TYW1B: variants seen among roughly 807,000 people sequenced by gnomAD.
The protein encoded by TYW1B is tRNA-yW synthesizing protein 1 homolog B, also known as S-adenosyl-L-methionine-dependent tRNA 4-demethylwyosine synthase TYW1B.
Under a neutral mutation model 86.9 loss-of-function variants are expected in TYW1B, and 73 were observed. The observed-to-expected ratio is 0.84, with a 90% CI of 0.70 to 1.02. TYW1B has a LOEUF of 1.02. Ranked by LOEUF, TYW1B falls within the 50% of genes least tolerant of loss-of-function variation. The probability of loss-of-function intolerance (pLI) is 0.00; values close to 1 mark genes in which losing one functional copy is unlikely to be tolerated. For synonymous variants in TYW1B, 248 were observed against 292.8 expected (o/e 0.85, Z 1.56); for missense variants, 637 against 827.4 (o/e 0.77, Z 2.82).
intron 12 of TYW1B, among the ~76,000 whole-genome samples, chr7:72,624,648 A>G (rs1812296740): frequency 6.6e-6 from 1 of 152,224 alleles, no homozygotes; most frequent in Non-Finnish European, 1.5e-5. Context: ...GGCATTTGAC[A>G]TTCATTGCAG....
At chr7:72,585,968 A>T (rs1811265950) in intron 13 of TYW1B, among the ~76,000 whole-genome samples, 1 of 152,210 alleles carries the variant, frequency 6.6e-6, no homozygotes, top group South Asian at 2.1e-4. Flanking sequence ...AGAATGAGAA[A>T]TTGTGAAACG....
chr7:72,809,995 T>A (rs1788573929), intron 4 of TYW1B, among the ~76,000 whole-genome samples: 1 of 133,050 alleles, frequency 7.5e-6, no homozygotes. Context: ...CAAGACTCTG[T>A]TTCCAAAAAA....
At chr7:72,727,831 A>AAAGAAG in intron 9 of TYW1B, among the ~76,000 whole-genome samples, 1 of 104,254 alleles carries the variant, frequency 9.6e-6, no homozygotes, top group South Asian at 3.2e-4. Context: ...AAAAAAAAAA[A>AAAGAAG]AAGAAGAAAG....
At chr7:72,592,261 G>T (rs1811415125) in intron 13 of TYW1B, among the ~76,000 whole-genome samples, 1 of 151,622 alleles carries the variant, frequency 6.6e-6, no homozygotes, top group Admixed American at 6.6e-5. Flanking sequence ...CAACTGAAAT[G>T]AGTGGGGACA....
chr7:72,586,141 C>T (rs1206589176), intron 13 of TYW1B, among the ~76,000 whole-genome samples: 7 of 152,184 alleles, frequency 4.6e-5, no homozygotes, highest in Admixed American at 4.6e-4. Flanking sequence ...ACCGAGGGAA[C>T]AGGCATGTGG....
At chr7:72,812,617 A>G (rs1309852488) in intron 3 of TYW1B, among the ~76,000 whole-genome samples, 1 of 152,142 alleles carries the variant, frequency 6.6e-6, no homozygotes, top group Non-Finnish European at 1.5e-5. Flanking sequence ...AGAAATGGAC[A>G]GAGTTAAAGC....
chr7:72,703,422 G>T (rs1331569007), intron 10 of TYW1B, among the ~76,000 whole-genome samples: 22 of 152,000 alleles, frequency 1.4e-4, no homozygotes, highest in Admixed American at 1.4e-3. Context: ...TTATCTCTTG[G>T]TATTGGTTTC....
At position 72,624,548 on chromosome 7, in the gene TYW1B, G is replaced by A. The variant is rs190194370; in HGVS notation, c.1617+4339C>T. Among the ~76,000 whole-genome samples, 3 of 152,210 alleles carry A rather than the reference G, an allele frequency of 2.0e-5. No homozygotes were observed. The East Asian group carries it at 5.8e-4, about 29-fold the overall frequency. On this transcript the variant is annotated intron_variant, in intron 12 of 13. Transcript: ENST00000620995. ...GCTCTATTCTGTAAATATCCCTTTTGCGACTACAGCATCCAAGGAAGAATC... is the reference window on the plus strand; with the variant it reads ...GCTCTATTCTGTAAATATCCCTTTTACGACTACAGCATCCAAGGAAGAATC...
intron 11 of TYW1B, among the ~76,000 whole-genome samples, chr7:72,668,218 T>C (rs1554445683): frequency 6.6e-6 from 1 of 152,244 alleles, no homozygotes; most frequent in Non-Finnish European, 1.5e-5. Flanking sequence ...CAGTGGAAAC[T>C]GGAAAACAGG....
chr7:72,811,917 C>T (rs1320305741), intron 3 of TYW1B, among the ~76,000 whole-genome samples: 16 of 48,170 alleles, frequency 3.3e-4, no homozygotes, highest in African/African-American at 1.3e-3. Context: ...AAGACTCCAT[C>T]TCAAAAAAAA....
rs34115923 is a variant in TYW1B, at chr7:72,684,980, C to T, written c.1506+9707G>A. Among the ~76,000 whole-genome samples the T allele has an allele frequency of 1.1e-3, 165 of 151,962 alleles. 3 individuals are homozygous for T. The East Asian group carries it at 0.028, about 26-fold the overall frequency. On this transcript the variant is annotated intron_variant, in intron 11 of 13. Coordinates refer to ENST00000620995, the MANE Select transcript of TYW1B (RefSeq NM_001145440.3). Reference sequence around the variant, plus strand: ...TTAAAAAATTAGCCAAGTGTAATGGCGAGTGCCTGTAATCCCTGCTACTTG... The same window carrying T: ...TTAAAAAATTAGCCAAGTGTAATGGTGAGTGCCTGTAATCCCTGCTACTTG...
At chr7:72,773,677 A>G (rs1414035361) in intron 7 of TYW1B, among the ~76,000 whole-genome samples, 2 of 152,290 alleles carry the variant, frequency 1.3e-5, no homozygotes, top group Middle Eastern at 3.4e-3. Flanking sequence ...TTCACAAGAG[A>G]AACACTACCC....
Position 72,616,737 on chromosome 7 carries a change from T to C in TYW1B, c.1720A>G (p.Ile574Val), listed in dbSNP as rs782532987. 3 of 1,614,090 alleles carry C rather than the reference T, an allele frequency of 1.9e-6. No individual in the cohort carries two copies. The highest frequency in any genetic ancestry group is 2.5e-6 in the Non-Finnish European group (3 of 1,180,050). ...TCACATGCAATTTCATATTCGGGGA[T>C]CAGATCCACCAGCTCGCGGACAAAC... Reference protein sequence around the residue: ...VQFVRELVDLIPEYEIACEHE... With the variant: ...VQFVRELVDLVPEYEIACEHE... Residue 574 changes from isoleucine (I) to valine (V), a missense_variant, in exon 13 of 14, where the codon ATC becomes GTC. Transcript: ENST00000620995.
chr7:72,666,583 G>C (rs1813467688), intron 11 of TYW1B, among the ~76,000 whole-genome samples: 1 of 152,096 alleles, frequency 6.6e-6, no homozygotes, highest in Admixed American at 6.5e-5. Flanking sequence ...CCATATCACT[G>C]GCTGATCTAA....
At chr7:72,702,682 C>T (rs1483309045) in intron 10 of TYW1B, among the ~76,000 whole-genome samples, 4 of 152,204 alleles carry the variant, frequency 2.6e-5, no homozygotes, top group Middle Eastern at 3.4e-3. Flanking sequence ...CCACTGCTCC[C>T]AGCCGAGATA....
chr7:72,732,391 G>T (rs527353316), intron 8 of TYW1B, among the ~76,000 whole-genome samples: 14 of 152,044 alleles, frequency 9.2e-5, no homozygotes, highest in Non-Finnish European at 1.8e-4. Context: ...CTCAAAAAAT[G>T]TTAAAAAATC....
At chr7:72,788,573 C>A (rs1346556266) in intron 6 of TYW1B, among the ~76,000 whole-genome samples, 2 of 152,112 alleles carry the variant, frequency 1.3e-5, no homozygotes, top group African/African-American at 4.8e-5. Flanking sequence ...TGCTGTGTTG[C>A]CCAGGCTGGA....
At chr7:72,814,809 A>G (rs541417641) in intron 3 of TYW1B, among the ~76,000 whole-genome samples, 151 of 151,742 alleles carry the variant, frequency 1.0e-3, no homozygotes, top group Non-Finnish European at 1.9e-3. Flanking sequence ...TCACGCCTAT[A>G]ATCCCAGCAC....
intron 11 of TYW1B, among the ~76,000 whole-genome samples, chr7:72,675,580 CACAT>C (rs1157747094): frequency 1.3e-5 from 2 of 148,380 alleles, no homozygotes; most frequent in African/African-American, 2.5e-5. Flanking sequence ...TATACACACA[CACAT>C]ATATATATAT....
Sources: gnomAD v4.1 joint callset for allele counts (sites outside exome capture counted in the v4.1 genomes callset) on GRCh38, gnomAD v4.1.1 for gene constraint, MANE v1.5 for transcripts, NCBI Gene and HGNC (gene_info 2026-07-23, HGNC 2026-07-21) for gene names.